Variants in PCDHA1 observed in about 807,000 individuals in gnomAD.
The protein encoded by PCDHA1 is protocadherin alpha-1.
Under a neutral mutation model 61.3 loss-of-function variants are expected in PCDHA1, and 42 were observed. That is an observed-to-expected ratio of 0.69 (90% CI 0.54 to 0.89). The LOEUF is 0.89. Among genes scored for constraint, PCDHA1 ranks in the 40% least tolerant of loss-of-function variants. The probability of loss-of-function intolerance (pLI) is 0.00; values close to 1 mark genes in which losing one functional copy is unlikely to be tolerated. For missense variants in PCDHA1, 1,256 were observed against 1,235.3 expected (o/e 1.02, Z -0.25); for synonymous variants, 610 against 553.8 (o/e 1.10, Z -1.43).
intron 1 of PCDHA1, chr5:140,802,361 G>T: frequency 6.2e-7 from 1 of 1,614,220 alleles, no homozygotes; most frequent in South Asian, 1.1e-5. Flanking sequence ...TCACCTGCTC[G>T]CTGACGCCCC....
intron 1 of PCDHA1, among the ~76,000 whole-genome samples, chr5:140,961,059 G>A (rs2095587077): frequency 6.6e-6 from 1 of 152,076 alleles, no homozygotes; most frequent in African/African-American, 2.4e-5. Flanking sequence ...AATGTTGAAT[G>A]GGATATCTGG....
chr5:140,794,846 T>C, intron 1 of PCDHA1: 1 of 1,140,698 alleles, frequency 8.8e-7, no homozygotes, highest in South Asian at 1.6e-5. Flanking sequence ...CCAGAGCCCC[T>C]TTGTTACTTC....
chr5:140,880,742 G>A, intron 1 of PCDHA1, among the ~76,000 whole-genome samples: 1 of 152,208 alleles, frequency 6.6e-6, no homozygotes, highest in East Asian at 1.9e-4. Flanking sequence ...AAAATGGATT[G>A]TCAGTGTAAC....
chr5:140,863,212 C>A, intron 1 of PCDHA1: 1 of 1,051,288 alleles, frequency 9.5e-7, no homozygotes, highest in Non-Finnish European at 1.4e-6. Flanking sequence ...GGAGAGCAGC[C>A]AAGCGAGGAA....
chr5:140,901,244 T>C (rs1166862455), intron 1 of PCDHA1, among the ~76,000 whole-genome samples: 3 of 152,212 alleles, frequency 2.0e-5, no homozygotes, highest in Non-Finnish European at 4.4e-5. Context: ...TTTTTTCCTT[T>C]GGTTCCCTGT....
chr5:140,792,755 C>A (rs1290772986), intron 1 of PCDHA1, among the ~76,000 whole-genome samples: 1 of 152,192 alleles, frequency 6.6e-6, no homozygotes, highest in Non-Finnish European at 1.5e-5. Context: ...TATGTGTCAA[C>A]AGTGGTCAAT....
chr5:140,883,546 C>T (rs782071318), intron 1 of PCDHA1: 3 of 1,614,200 alleles, frequency 1.9e-6, no homozygotes, highest in Non-Finnish European at 1.7e-6. Flanking sequence ...TGGTGGTGAC[C>T]GCGCGGGACG....
At chr5:140,928,082 T>A (rs1387313022) in intron 1 of PCDHA1, 4 of 1,614,094 alleles carry the variant, frequency 2.5e-6, no homozygotes, top group Admixed American at 3.3e-5. Context: ...TACTACAGCC[T>A]GCTGATTGAT....
chr5:140,807,655 C>T (rs1554124179), intron 1 of PCDHA1: 2 of 1,614,066 alleles, frequency 1.2e-6, no homozygotes, highest in South Asian at 1.1e-5. Context: ...CACTAGAGGG[C>T]GCCTCGGATG....
At chr5:140,855,877 C>CT in intron 1 of PCDHA1, 1 of 897,114 alleles carries the variant, frequency 1.1e-6, no homozygotes, top group African/African-American at 1.7e-5. Flanking sequence ...CACAAAATAG[C>CT]TTTTTAGAAC....
At chr5:140,997,897 A>C (rs13175095) in intron 3 of PCDHA1, among the ~76,000 whole-genome samples, 9,880 of 152,266 alleles carry the variant, frequency 0.065, 363 homozygotes, top group East Asian at 0.12. Flanking sequence ...GATAAATTTC[A>C]AGAAGTAGAA....
intron 1 of PCDHA1, among the ~76,000 whole-genome samples, chr5:140,789,017 T>C (rs1761508196): frequency 6.6e-6 from 1 of 152,236 alleles, no homozygotes; most frequent in African/African-American, 2.4e-5. Flanking sequence ...GGGTAACTTA[T>C]TATGTTATCT....
intron 1 of PCDHA1, chr5:140,876,109 A>T: frequency 6.2e-7 from 1 of 1,613,946 alleles, no homozygotes; most frequent in Non-Finnish European, 8.5e-7. Context: ...TTTATTGCTG[A>T]TGGTAATCGA....
intron 1 of PCDHA1, chr5:140,824,407 A>G (rs1768108209): frequency 1.9e-6 from 1 of 536,144 alleles, no homozygotes; most frequent in East Asian, 3.1e-5. Context: ...TAATTGTAAG[A>G]CATAGTTTGG....
At chr5:140,933,392 T>C (rs1298872630) in intron 1 of PCDHA1, among the ~76,000 whole-genome samples, 3 of 152,044 alleles carry the variant, frequency 2.0e-5, no homozygotes, top group Non-Finnish European at 2.9e-5. Context: ...CCTAGAGCCA[T>C]CTGGTTACCA....
intron 1 of PCDHA1, chr5:140,861,392 G>A (rs2046897620): frequency 2.2e-6 from 1 of 451,822 alleles, no homozygotes; most frequent in Non-Finnish European, 4.5e-6. Context: ...ACCTGGGTCT[G>A]GAGCTTGTGG....
chr5:140,941,241 T>TTCTTTCTTTCTTTCTTTCTTTCTC (rs1585048929), intron 1 of PCDHA1, among the ~76,000 whole-genome samples: 1 of 140,458 alleles, frequency 7.1e-6, no homozygotes, highest in East Asian at 2.0e-4. Flanking sequence ...CTTTCTTTCT[T>TTCTTTCTTTCTTTCTTTCTTTCTC]TCTTTCTTTC....
intron 3 of PCDHA1, among the ~76,000 whole-genome samples, chr5:140,998,111 T>A (rs1224150326): frequency 1.3e-5 from 2 of 152,108 alleles, no homozygotes; most frequent in African/African-American, 4.8e-5. Flanking sequence ...GAGGAGAAAA[T>A]TTACTTGTGA....
intron 1 of PCDHA1, among the ~76,000 whole-genome samples, chr5:140,962,154 C>T (rs1447978704): frequency 3.9e-5 from 6 of 152,210 alleles, no homozygotes; most frequent in Admixed American, 1.3e-4. Context: ...GGATTACAGG[C>T]GTGAGCCACC....
Sources: allele counts gnomAD v4.1 joint callset (sites outside exome capture counted in the v4.1 genomes callset), GRCh38; gene constraint gnomAD v4.1.1; transcripts MANE v1.5; gene names NCBI Gene and HGNC (gene_info 2026-07-23, HGNC 2026-07-21).